Variants in ARAP2 observed in about 807,000 individuals in gnomAD.
ARAP2 encodes arf-GAP with Rho-GAP domain, ANK repeat and PH domain-containing protein 2.
A neutral mutation model predicts 194.5 loss-of-function variants in ARAP2; 148 were observed. The observed-to-expected ratio is 0.76, with a 90% CI of 0.67 to 0.87. ARAP2 has a LOEUF of 0.87. ARAP2 is among the 40% of genes least tolerant of loss of function. ARAP2 has a pLI of 0.00. For missense variants in ARAP2, 2,128 were observed against 1,989.7 expected (o/e 1.07, Z -1.32); for synonymous variants, 695 against 683.5 (o/e 1.02, Z -0.26).
chr4:36,158,387 C>A (rs1733081906), intron 15 of ARAP2, among the ~76,000 whole-genome samples: 2 of 152,106 alleles, frequency 1.3e-5, no homozygotes, highest in Non-Finnish European at 2.9e-5. Flanking sequence ...TATGTGTTCA[C>A]ATTTATCTAC....
chr4:36,198,689 C>T (rs28833790), intron 6 of ARAP2, among the ~76,000 whole-genome samples: 7,401 of 152,306 alleles, frequency 0.049, 603 homozygotes, highest in African/African-American at 0.17. Flanking sequence ...GTACCTGGCC[C>T]GGGCCCCAAT....
chr4:36,165,916 T>C (rs1489414995), intron 10 of ARAP2, among the ~76,000 whole-genome samples: 1 of 152,120 alleles, frequency 6.6e-6, no homozygotes, highest in African/African-American at 2.4e-5. Context: ...AGCTAACATA[T>C]TCTAAATAAT....
chr4:36,031,336 G>T lies in ARAP2; in HGVS notation n.608-12050C>A, dbSNP rs1266008904. ...ATTCCCCATGAAATACATTATGATA[G>T]ATAAATAAAACTGTACTCCATTGTA... On this transcript the variant is annotated intron_variant and non_coding_transcript_variant, in intron 5 of 12. Transcript: ENST00000503225. Among the ~76,000 whole-genome samples the T allele has an allele frequency of 2.0e-5, 3 of 152,124 alleles. No individual in the cohort carries two copies. In the East Asian group the frequency reaches 5.8e-4, roughly 29 times the overall value.
chr4:36,109,376 T>C (rs1719243014), intron 26 of ARAP2, among the ~76,000 whole-genome samples: 2 of 151,892 alleles, frequency 1.3e-5, no homozygotes, highest in Non-Finnish European at 2.9e-5. Context: ...ATTCACAGCA[T>C]AGTATTGAAT....
chr4:36,117,490 C>T (rs568443190), intron 24 of ARAP2, among the ~76,000 whole-genome samples: 3 of 151,700 alleles, frequency 2.0e-5, no homozygotes, highest in South Asian at 2.1e-4. Flanking sequence ...TCAGCATGTA[C>T]GTTAACAGGA....
In ARAP2 at chr4:36,229,177, T is replaced by C. The variant is rs374311444; in HGVS notation, c.310A>G (p.Ile104Val). The change falls in exon 2 of 33, where the codon ATA becomes GTA. Residue 104 changes from isoleucine (I) to valine (V), a missense_variant. Ile to Val is a conservative substitution (Grantham distance 29, BLOSUM62 3). Coordinates refer to ENST00000303965, the MANE Select transcript of ARAP2 (RefSeq NM_015230.4). Reference sequence around the variant, plus strand: ...ACACTACCAGAATTGGAAAGTTCTATGCAGATATTCTGATCAGAAGATGGA... The same window carrying C: ...ACACTACCAGAATTGGAAAGTTCTACGCAGATATTCTGATCAGAAGATGGA... Reference protein sequence around the residue: ...HVPSSDQNICIELSNSGSVQT... With the variant: ...HVPSSDQNICVELSNSGSVQT... 15 of 1,614,068 alleles carry C rather than the reference T, an allele frequency of 9.3e-6. No homozygotes were observed. Among genetic ancestry groups the C allele is most frequent in the South Asian group, 2.2e-5 (2 of 91,088 alleles).
intron 15 of ARAP2, among the ~76,000 whole-genome samples, chr4:36,155,650 TATTTTTTTTTTTATTTTTA>T (rs1335106974): frequency 6.8e-6 from 1 of 147,588 alleles, no homozygotes; most frequent in Non-Finnish European, 1.5e-5. Context: ...ATTTTTTATT[TATTTTTTTTTTTATTTTTA>T]ATTTTTTTTT....
chr4:36,089,365 T>C (rs1294952282), intron 28 of ARAP2, among the ~76,000 whole-genome samples: 1 of 152,180 alleles, frequency 6.6e-6, no homozygotes, highest in Non-Finnish European at 1.5e-5. Context: ...GGTGGACATT[T>C]GGAATGCTTC....
At chr4:36,140,566 T>C (rs1728069513) in intron 19 of ARAP2, among the ~76,000 whole-genome samples, 1 of 151,676 alleles carries the variant, frequency 6.6e-6, no homozygotes, top group South Asian at 2.1e-4. Flanking sequence ...AATTTGCAAT[T>C]ACATGCACAA....
chr4:36,031,311 A>T (rs1718908187), intron 5 of ARAP2, among the ~76,000 whole-genome samples: 1 of 152,202 alleles, frequency 6.6e-6, no homozygotes, highest in Admixed American at 6.5e-5. Context: ...GTATACAACC[A>T]TTCCCCATGA....
chr4:36,178,126 C>T (rs1041170661), intron 8 of ARAP2, 121 bp from the exon 9 acceptor site: 5 of 818,784 alleles, frequency 6.1e-6, no homozygotes, highest in Non-Finnish European at 9.1e-6. Flanking sequence ...CCCACAACCA[C>T]AATCTAAATG....
Position 36,129,098 on chromosome 4 carries a change from C to T in ARAP2, c.3428-353G>A, listed in dbSNP as rs552875688. 3.9e-5 allele frequency among the ~76,000 whole-genome samples: 6 copies of T among 152,052 alleles called. No homozygotes were observed. In the East Asian group the frequency reaches 9.7e-4, roughly 25 times the overall value. On this transcript the variant is annotated intron_variant, in intron 20 of 32. Coordinates refer to ENST00000303965, the MANE Select transcript of ARAP2 (RefSeq NM_015230.4). Reference sequence around the variant, plus strand: ...CCATTTCTCACTGACAAAAGTGAGGCTCTCTGGTATAAATGTCATCAACCA... The same window carrying T: ...CCATTTCTCACTGACAAAAGTGAGGTTCTCTGGTATAAATGTCATCAACCA...
intron 5 of ARAP2, among the ~76,000 whole-genome samples, chr4:36,023,196 T>G (rs1717309996): frequency 6.6e-6 from 1 of 152,146 alleles, no homozygotes; most frequent in Non-Finnish European, 1.5e-5. Context: ...AGCCAAAGAG[T>G]TCGGCACTTG....
chr4:36,025,369 C>A (rs1717727010), intron 5 of ARAP2, among the ~76,000 whole-genome samples: 1 of 152,018 alleles, frequency 6.6e-6, no homozygotes, highest in African/African-American at 2.4e-5. Context: ...AATTAAAGAC[C>A]AGCTGCTACT....
chr4:36,060,594 G>T (rs537317181), intron 1 of ARAP2, among the ~76,000 whole-genome samples: 47 of 152,230 alleles, frequency 3.1e-4, no homozygotes, highest in African/African-American at 1.1e-3. Flanking sequence ...ACACAAAAAC[G>T]TGATGTATTA....
chr4:36,167,094 G>C (rs1333894829), intron 9 of ARAP2, 47 bp from the exon 10 acceptor site: 1 of 914,878 alleles, frequency 1.1e-6, no homozygotes, highest in Non-Finnish European at 1.6e-6. Flanking sequence ...CAAAAAAAAA[G>C]ATTTTGAAAG....
chr4:36,113,444 G>A (rs545230973), intron 26 of ARAP2, among the ~76,000 whole-genome samples: 10 of 151,974 alleles, frequency 6.6e-5, no homozygotes, highest in African/African-American at 2.2e-4. Flanking sequence ...ACACACTATG[G>A]GGTATTTTAA....
At chr4:36,141,865 A>T (rs1728430401) in intron 19 of ARAP2, among the ~76,000 whole-genome samples, 1 of 151,720 alleles carries the variant, frequency 6.6e-6, no homozygotes, top group Admixed American at 6.6e-5. Context: ...CCACAATTTT[A>T]TCTGTCACTG....
chr4:36,136,783 A>ATGTGTG (rs772565955), intron 19 of ARAP2, among the ~76,000 whole-genome samples: 10,585 of 143,768 alleles, frequency 0.074, 397 homozygotes, highest in East Asian at 0.1. Context: ...AATCAAATAT[A>ATGTGTG]TGTGTGTGTG....
Sources: allele counts gnomAD v4.1 joint callset (sites outside exome capture counted in the v4.1 genomes callset), GRCh38; gene constraint gnomAD v4.1.1; transcripts MANE v1.5; gene names NCBI Gene and HGNC (gene_info 2026-07-23, HGNC 2026-07-21).